Variants in ZNF227 observed in about 807,000 individuals in gnomAD.
ZNF227 encodes the protein zinc finger protein 227.
ZNF227 carries 12 observed loss-of-function variants against 13.2 expected under a neutral mutation model. The ratio of observed to expected loss-of-function variants is 0.91; its 90% CI spans 0.58 to 1.47. The LOEUF is 1.47. Among genes scored for constraint, ZNF227 ranks in the 40% most tolerant of loss-of-function variants. ZNF227 has a pLI of 0.00. For missense variants in ZNF227, 885 were observed against 967.5 expected, an observed-to-expected ratio of 0.91 and a Z score of 1.13; for synonymous variants, 338 against 326.0, an observed-to-expected ratio of 1.04 and a Z score of -0.40.
chr19:44,219,954 T>C (rs935204499), intron 3 of ZNF227, among the ~76,000 whole-genome samples: 28 of 138,434 alleles, frequency 2.0e-4, no homozygotes, highest in African/African-American at 2.7e-4. Context: ...CAACAGTCCC[T>C]GGAGTGTGAT....
intron 3 of ZNF227, among the ~76,000 whole-genome samples, chr19:44,225,695 C>G (rs1448731616): frequency 1.3e-5 from 2 of 152,104 alleles, no homozygotes; most frequent in African/African-American, 2.4e-5. Context: ...TTTTTAACTT[C>G]TTTGCCATTT....
chr19:44,230,927 ATATAT>A (rs1264011078), intron 5 of ZNF227, among the ~76,000 whole-genome samples: 1 of 76,770 alleles, frequency 1.3e-5, no homozygotes, highest in African/African-American at 9.3e-5. Context: ...AAAAAAAAAA[ATATAT>A]ATATATATAT....
chr19:44,234,655 A>G, intron 5 of ZNF227, 47 bp from the exon 6 acceptor site: 2 of 1,491,358 alleles, frequency 1.3e-6, no homozygotes, highest in Non-Finnish European at 1.8e-6. Flanking sequence ...TGAAGAAAGC[A>G]TTTACTGCCC....
rs141285343 is a variant in ZNF227, at chr19:44,217,826, A to C, written c.34A>C (p.Lys12Gln). Residue 12 changes from lysine to glutamine, a missense_variant, in exon 3 of 6, where the codon AAG becomes CAG. Physicochemically the swap from Lys to Gln is moderately conservative, Grantham distance 53 (BLOSUM62 1). Transcript: ENST00000313040. The stretch of plus-strand genomic sequence containing the variant: ...TCAGAACTATGACCTTCCCCAGAAG[A>C]AGCAGGAGAAAATGACCAAGTTTCA... The part of the protein sequence containing the change: ...PSQNYDLPQK[K>Q]QEKMTKFQEA... 3.0e-4 allele frequency: 480 copies of C among 1,614,220 alleles called. No individual in the cohort carries two copies. Among genetic ancestry groups the C allele is most frequent in the Non-Finnish European group, 3.8e-4 (453 of 1,180,044 alleles).
chr19:44,230,073 C>T (rs969469798), intron 5 of ZNF227, among the ~76,000 whole-genome samples: 9 of 152,142 alleles, frequency 5.9e-5, no homozygotes, highest in African/African-American at 2.2e-4. Context: ...TGGAGTGCAG[C>T]AGCATGATTG....
intron 2 of ZNF227, chr19:44,217,501 C>T (rs1370216185): frequency 3.3e-6 from 2 of 609,780 alleles, no homozygotes; most frequent in Non-Finnish European, 6.1e-6. Flanking sequence ...GAATTAAACC[C>T]AGATACTTGA....
At chr19:44,225,765 G>A (rs917115164) in intron 3 of ZNF227, among the ~76,000 whole-genome samples, 6 of 152,114 alleles carry the variant, frequency 3.9e-5, no homozygotes, top group Non-Finnish European at 5.9e-5. Context: ...CTCTCAACTC[G>A]TCAAAGTCAT....
rs757492690 is a variant in ZNF227 at position 44,217,591 on chromosome 19, C to G, written c.-2-200C>G. Reference sequence around the variant, plus strand: ...ATCAGAAATCCTTGTAGCAAGGATGCTGCACTTGTGCAGACTGTTCACTGC... The same window carrying G: ...ATCAGAAATCCTTGTAGCAAGGATGGTGCACTTGTGCAGACTGTTCACTGC... On this transcript the variant is annotated intron_variant, in intron 2 of 5. Coordinates refer to ENST00000313040, the MANE Select transcript of ZNF227 (RefSeq NM_182490.3). 7 of 731,596 alleles carry G rather than the reference C, an allele frequency of 9.6e-6. No homozygotes were observed. The African/African-American group carries it at 1.2e-4, about 13-fold the overall frequency. The allele number at this position is 731,596 out of a possible 1,614,324, so 45.3% of individuals were successfully genotyped here. A position where few individuals can be genotyped will look rare whatever the true frequency, so the allele number is the denominator to read the frequency against.
In ZNF227 at chr19:44,236,507, T is replaced by C. The variant is rs753661783; in HGVS notation, c.2077T>C (p.Cys693Arg). The C allele has an allele frequency of 1.2e-6, 2 of 1,613,812 alleles. No individual in the cohort carries two copies. Among genetic ancestry groups the C allele is most frequent in the South Asian group, 1.1e-5 (1 of 91,058 alleles). ...TGEKPYKCEE[C>R]GKGFGRSLNL... ...AGAAAAACCTTACAAATGTGAAGAG[T>C]GTGGGAAAGGCTTTGGTAGGAGCTT... is the stretch of plus-strand genomic sequence containing the variant. The change falls in exon 6 of 6, where the codon TGT (cysteine) becomes CGT (arginine). Residue 693 changes from cysteine to arginine, a missense_variant. Coordinates refer to ENST00000313040, the MANE Select transcript of ZNF227 (RefSeq NM_182490.3).
intron 3 of ZNF227, among the ~76,000 whole-genome samples, chr19:44,225,403 C>A (rs1490807279): frequency 6.6e-6 from 1 of 152,232 alleles, no homozygotes; most frequent in Non-Finnish European, 1.5e-5. Context: ...TTCAGGTACA[C>A]CAATCAGACG....
chr19:44,215,054 C>A (rs987388456), intron 2 of ZNF227, among the ~76,000 whole-genome samples: 1 of 152,018 alleles, frequency 6.6e-6, no homozygotes, highest in African/African-American at 2.4e-5. Flanking sequence ...ACCTATCATC[C>A]CCAAACCATC....
intron 3 of ZNF227, among the ~76,000 whole-genome samples, chr19:44,226,118 T>G (rs927109168): frequency 1.3e-5 from 2 of 152,194 alleles, no homozygotes; most frequent in Non-Finnish European, 2.9e-5. Context: ...CTGCAAATGC[T>G]GCTGCCTGAT....
intron 3 of ZNF227, among the ~76,000 whole-genome samples, chr19:44,224,079 GT>G: frequency 6.6e-6 from 1 of 152,296 alleles, no homozygotes; most frequent in Admixed American, 6.5e-5. Context: ...GCAGTTTTGA[GT>G]GAGTTTCTTA....
At chr19:44,215,881 A>G (rs764334072) in intron 2 of ZNF227, among the ~76,000 whole-genome samples, 2 of 151,508 alleles carry the variant, frequency 1.3e-5, no homozygotes, top group African/African-American at 2.4e-5. Context: ...CCAGCTACTC[A>G]GGAGGCTGAG....
chr19:44,217,626 C>T, intron 2 of ZNF227, 165 bp from the exon 3 acceptor site: 1 of 812,658 alleles, frequency 1.2e-6, no homozygotes, highest in Non-Finnish European at 2.2e-6. Flanking sequence ...CCCAATGGCA[C>T]TGAACTATCA....
chr19:44,236,422 G>A lies in ZNF227; in HGVS notation c.1992G>A (p.Val664=), dbSNP rs760447599. Residue 664 remains valine, a synonymous_variant, in exon 6 of 6, where the codon GTG becomes GTA. Coordinates refer to ENST00000313040, the MANE Select transcript of ZNF227 (RefSeq NM_182490.3). ...GGGAAAAGCCATACAAATGTGATGT[G>A]TGTGGAAAGGGCTTTAGATACAGTT... is the stretch of plus-strand genomic sequence containing the variant. ...HTGEKPYKCD[V]CGKGFRYSSQ... 4.3e-6 allele frequency: 7 copies of A among 1,613,262 alleles called. No homozygotes were observed. The South Asian group carries it at 7.7e-5, about 18-fold the overall frequency.
At position 44,234,706 on chromosome 19, in the gene ZNF227, C is replaced by T. The variant is rs778727535; in HGVS notation, c.276C>T (p.Ser92=). ...GCCTTTTTTCTTTTTTAATAGGCAG[C>T]AAGCATCAAAATAAGATGGAAACAC... is the stretch of plus-strand genomic sequence containing the variant. ...WMMETETQRS[S]KHQNKMETLQ... The change falls in exon 6 of 6, where the codon AGC becomes AGT. Residue 92 remains serine, a synonymous_variant. Coordinates refer to ENST00000313040, the MANE Select transcript of ZNF227 (RefSeq NM_182490.3). 6.3e-7 allele frequency: 1 copy of T among 1,578,198 alleles called. No homozygotes were observed. Among genetic ancestry groups the T allele is most frequent in the African/African-American group, 1.4e-5 (1 of 72,756 alleles).
chr19:44,216,666 T>C (rs556527469), intron 2 of ZNF227, among the ~76,000 whole-genome samples: 1 of 92,056 alleles, frequency 1.1e-5, no homozygotes, highest in Admixed American at 1.3e-4. Flanking sequence ...ATCTTTCATG[T>C]TTCTTGATTT....
Position 44,235,364 on chromosome 19 carries a change from C to T in ZNF227, c.934C>T (p.His312Tyr). The T allele has an allele frequency of 1.2e-6, 2 of 1,614,208 alleles. No individual in the cohort carries two copies. Among genetic ancestry groups the T allele is most frequent in the South Asian group, 2.2e-5 (2 of 91,074 alleles). Residue 312 changes from histidine (H) to tyrosine (Y), a missense_variant, in exon 6 of 6, where the codon CAT becomes TAT. His to Tyr is a moderately conservative substitution (Grantham distance 83). Transcript: ENST00000313040. Reference protein sequence around the residue: ...SGDCFNKSSFHSYQSNHTGEK... With the variant: ...SGDCFNKSSFYSYQSNHTGEK... ...TGATTGCTTCAATAAGAGCTCTTTT[C>T]ATTCTTATCAATCTAATCATACAGG...
Sources: gnomAD v4.1 joint callset for allele counts (sites outside exome capture counted in the v4.1 genomes callset) on GRCh38, gnomAD v4.1.1 for gene constraint, MANE v1.5 for transcripts, NCBI Gene and HGNC (gene_info 2026-07-23, HGNC 2026-07-21) for gene names.